The following SYT17 variants were observed in gnomAD, a reference collection of about 807,000 sequenced individuals.
SYT17 encodes the protein synaptotagmin 17.
Under a neutral mutation model 46.7 loss-of-function variants are expected in SYT17, and 22 were observed. The observed-to-expected ratio is 0.47, with a 90% CI of 0.34 to 0.67. The LOEUF is 0.67. Among genes scored for constraint, SYT17 ranks in the 30% least tolerant of loss-of-function variants. The pLI is 0.01. For synonymous variants in SYT17, 251 were observed against 248.4 expected (o/e 1.01, Z -0.10); for missense variants, 519 against 612.8 (o/e 0.85, Z 1.62).
At chr16:19,181,714 A>G (rs904747102) in intron 4 of SYT17, among the ~76,000 whole-genome samples, 1 of 152,102 alleles carries the variant, frequency 6.6e-6, no homozygotes, top group Admixed American at 6.6e-5. Flanking sequence ...AAAAAAAAAA[A>G]AAAGTCTGGG....
At chr16:19,265,943 A>G (rs1468837820) in intron 7 of SYT17, among the ~76,000 whole-genome samples, 1 of 152,234 alleles carries the variant, frequency 6.6e-6, no homozygotes, top group Non-Finnish European at 1.5e-5. Context: ...GGAACAGAGG[A>G]AACATGAAGT....
intron 7 of SYT17, among the ~76,000 whole-genome samples, chr16:19,261,002 C>A (rs1026565427): frequency 2.0e-5 from 3 of 151,608 alleles, no homozygotes; most frequent in African/African-American, 7.3e-5. Context: ...TTCCACATGT[C>A]TAGTCTTTAA....
intron 5 of SYT17, among the ~76,000 whole-genome samples, chr16:19,197,927 G>A (rs1352671213): frequency 2.0e-5 from 3 of 152,182 alleles, no homozygotes; most frequent in Non-Finnish European, 4.4e-5. Context: ...TACCCCACAA[G>A]GGAGGCGATC....
chr16:19,190,790 G>A (rs975817163), intron 5 of SYT17, among the ~76,000 whole-genome samples: 1 of 151,642 alleles, frequency 6.6e-6, no homozygotes, highest in African/African-American at 2.4e-5. Flanking sequence ...GTGTGTGTGT[G>A]TGTGTGTGTG....
At chr16:19,254,874 A>G (rs1165225583) in intron 7 of SYT17, among the ~76,000 whole-genome samples, 4 of 152,212 alleles carry the variant, frequency 2.6e-5, no homozygotes, top group African/African-American at 9.7e-5. Flanking sequence ...CCCATATGTC[A>G]TCTTCAGTGC....
intron 4 of SYT17, among the ~76,000 whole-genome samples, chr16:19,181,612 C>T (rs1003287989): frequency 2.6e-5 from 4 of 151,902 alleles, no homozygotes; most frequent in Non-Finnish European, 5.9e-5. Context: ...ACTAGACACA[C>T]GTAGCTGTTG....
At chr16:19,232,839 T>TAAACAAAC (rs57954740) in intron 7 of SYT17, among the ~76,000 whole-genome samples, 4,337 of 150,212 alleles carry the variant, frequency 0.029, 188 homozygotes, top group East Asian at 0.22. Context: ...CTCAAAAACA[T>TAAACAAAC]AAACAAACAA....
At chr16:19,195,185 G>C (rs949169105) in intron 5 of SYT17, among the ~76,000 whole-genome samples, 1 of 152,162 alleles carries the variant, frequency 6.6e-6, no homozygotes, top group Non-Finnish European at 1.5e-5. Context: ...ATTCTGCTAA[G>C]TGCTTTTATT....
chr16:19,173,440 C>G lies in SYT17; in HGVS notation c.44C>G (p.Ser15Cys). ...CCCCAATGGCCTCAGGGTTTTCTTT[C>G]TAGAATCTCTGGTCTGCTGCTGTGC... ...QLEPLNEGFLSRISGLLLCRW... is the reference protein window; with the variant it reads ...QLEPLNEGFLCRISGLLLCRW... Residue 15 changes from serine to cysteine, a missense_variant, in exon 3 of 8, where the codon TCT (serine) becomes TGT (cysteine). Coordinates refer to ENST00000355377, the MANE Select transcript of SYT17 (RefSeq NM_016524.4). The G allele has an allele frequency of 7.8e-7, 1 of 1,277,400 alleles. No homozygotes were observed. The highest frequency in any genetic ancestry group is 1.0e-6 in the Non-Finnish European group (1 of 980,230). The allele number at this position is 1,277,400 out of a possible 1,614,324, so 79.1% of individuals were successfully genotyped here.
intron 7 of SYT17, among the ~76,000 whole-genome samples, chr16:19,245,625 T>C (rs1446654467): frequency 2.0e-5 from 3 of 152,218 alleles, no homozygotes; most frequent in Non-Finnish European, 4.4e-5. Flanking sequence ...ATCCAGAGCA[T>C]GCTGAGTGAG....
intron 5 of SYT17, among the ~76,000 whole-genome samples, chr16:19,213,908 A>G (rs1965996600): frequency 6.6e-6 from 1 of 152,200 alleles, no homozygotes; most frequent in Non-Finnish European, 1.5e-5. Flanking sequence ...TATTTAAAAA[A>G]TCTGAATCAG....
chr16:19,186,810 C>A (rs1243540085), intron 5 of SYT17, among the ~76,000 whole-genome samples: 3 of 152,018 alleles, frequency 2.0e-5, no homozygotes, highest in African/African-American at 7.2e-5. Flanking sequence ...TTTGTTTTTT[C>A]TTCTCTGATC....
intron 7 of SYT17, among the ~76,000 whole-genome samples, chr16:19,265,442 A>G (rs1256052687): frequency 6.6e-6 from 1 of 152,154 alleles, no homozygotes; most frequent in Non-Finnish European, 1.5e-5. Context: ...CTTTTGGACG[A>G]TGGATGGAGT....
intron 7 of SYT17, among the ~76,000 whole-genome samples, chr16:19,244,831 G>A (rs1967414254): frequency 6.6e-6 from 1 of 152,198 alleles, no homozygotes; most frequent in Non-Finnish European, 1.5e-5. Flanking sequence ...TTCATGGGCT[G>A]AGCCTAGAAG....
intron 5 of SYT17, among the ~76,000 whole-genome samples, chr16:19,199,980 T>C (rs536533888): frequency 6.6e-6 from 1 of 152,328 alleles, no homozygotes; most frequent in East Asian, 1.9e-4. Flanking sequence ...ACTATCCCTA[T>C]TGTACAGATA....
chr16:19,218,538 A>ACAC (rs1344869757), intron 5 of SYT17, among the ~76,000 whole-genome samples: 1 of 152,200 alleles, frequency 6.6e-6, no homozygotes, highest in African/African-American at 2.4e-5. Flanking sequence ...AAGATGAAAA[A>ACAC]CACTCAGTCT....
chr16:19,257,653 C>T (rs1410130506), intron 7 of SYT17, among the ~76,000 whole-genome samples: 1 of 152,150 alleles, frequency 6.6e-6, no homozygotes. Flanking sequence ...ACCTCTCGGC[C>T]ATGAGGAAGT....
In SYT17 at chr16:19,254,689, C is replaced by T. The variant is rs192390496; in HGVS notation, c.1229-12191C>T. On this transcript the variant is annotated intron_variant, in intron 7 of 7. Transcript: ENST00000355377. ...TCTGTAGACAGTTTGCAGTGTACAT[C>T]TTCCCCCAAGCGATGCCAGCTTCTC... Among the ~76,000 whole-genome samples, 8 of 152,296 alleles carry T rather than the reference C, an allele frequency of 5.3e-5. No individual in the cohort carries two copies. The East Asian group carries it at 1.4e-3, about 26-fold the overall frequency.
At chr16:19,240,343 G>GT (rs57659300) in intron 7 of SYT17, among the ~76,000 whole-genome samples, 16,056 of 152,142 alleles carry the variant, frequency 0.11, 1,006 homozygotes, top group African/African-American at 0.15. Flanking sequence ...GAGGGGACCC[G>GT]TAACAGGTAG....
Sources: gnomAD v4.1 joint callset for allele counts (sites outside exome capture counted in the v4.1 genomes callset) on GRCh38, gnomAD v4.1.1 for gene constraint, MANE v1.5 for transcripts, NCBI Gene and HGNC (gene_info 2026-07-23, HGNC 2026-07-21) for gene names.